The following SLC44A1 variants were observed in gnomAD, a reference collection of about 807,000 sequenced individuals.
The protein encoded by SLC44A1 is choline transporter-like protein 1.
Under a neutral mutation model 79.3 loss-of-function variants are expected in SLC44A1, and 26 were observed. The observed-to-expected ratio is 0.33, with a 90% CI of 0.24 to 0.46. The LOEUF is 0.46. Ranked by LOEUF, SLC44A1 falls within the 20% of genes least tolerant of loss-of-function variation. The pLI, the probability that SLC44A1 is intolerant of heterozygous loss-of-function variation, is 1.00. For synonymous variants in SLC44A1, 263 were observed against 286.2 expected (o/e 0.92, Z 0.82); for missense variants, 688 against 798.1 (o/e 0.86, Z 1.66).
chr9:105,435,697 A>G (rs1014490332), intron 15 of SLC44A1, among the ~76,000 whole-genome samples: 2 of 152,150 alleles, frequency 1.3e-5, no homozygotes, highest in Non-Finnish European at 2.9e-5. Context: ...AGGGGTCACA[A>G]TGGCTCGACC....
intron 15 of SLC44A1, among the ~76,000 whole-genome samples, chr9:105,406,532 G>A (rs1338344777): frequency 6.6e-6 from 1 of 152,116 alleles, no homozygotes; most frequent in Non-Finnish European, 1.5e-5. Context: ...CTTGAGGCCA[G>A]GAGTTCAAGA....
At chr9:105,257,291 T>TCA (rs1255893911) in intron 1 of SLC44A1, among the ~76,000 whole-genome samples, 2 of 151,878 alleles carry the variant, frequency 1.3e-5, no homozygotes, top group Non-Finnish European at 2.9e-5. Context: ...AGATGGGGTT[T>TCA]CACCATGTTG....
At chr9:105,412,757 A>G (rs532674251) in intron 15 of SLC44A1, among the ~76,000 whole-genome samples, 60 of 151,880 alleles carry the variant, frequency 4.0e-4, no homozygotes, top group African/African-American at 1.4e-3. Context: ...ACCTGCCACC[A>G]CGCCCGGCTA....
intron 1 of SLC44A1, among the ~76,000 whole-genome samples, chr9:105,245,797 T>C (rs1829428304): frequency 6.6e-6 from 1 of 152,200 alleles, no homozygotes; most frequent in Non-Finnish European, 1.5e-5. Context: ...CCTCCTTCTC[T>C]CGGATCCGAG....
At chr9:105,290,552 A>G (rs1039024741) in intron 1 of SLC44A1, among the ~76,000 whole-genome samples, 3 of 152,260 alleles carry the variant, frequency 2.0e-5, no homozygotes, top group Non-Finnish European at 4.4e-5. Context: ...GTTATTAGCT[A>G]TGTTGCAGAG....
chr9:105,430,960 T>A (rs1007376069), intron 15 of SLC44A1, among the ~76,000 whole-genome samples: 2 of 152,212 alleles, frequency 1.3e-5, no homozygotes, highest in Non-Finnish European at 2.9e-5. Flanking sequence ...ATTATAGACA[T>A]CCAGTGAGTG....
At chr9:105,335,458 G>T in intron 3 of SLC44A1, 105 bp from the exon 4 acceptor site, 1 of 754,606 alleles carries the variant, frequency 1.3e-6, no homozygotes, top group Non-Finnish European at 2.1e-6. Flanking sequence ...TTTTATCGTG[G>T]AGGAATGTGG....
Position 105,276,762 on chromosome 9 carries a change from T to C in SLC44A1, c.37-22458T>C, listed in dbSNP as rs181581355. On this transcript the variant is annotated intron_variant, in intron 1 of 15. Coordinates refer to ENST00000374720, the MANE Select transcript of SLC44A1 (RefSeq NM_080546.5). ...TCAGGAGGCAATCCTGAGAGCTCAG[T>C]AGCATCAAGAAAACCAGAGTGGTCT... Among the ~76,000 whole-genome samples the C allele has an allele frequency of 2.7e-3, 409 of 152,104 alleles. 3 individuals carry two copies. Among genetic ancestry groups the C allele is most frequent in the Admixed American group, 4.3e-3 (66 of 15,284 alleles).
chr9:105,295,187 CAG>C (rs1344664841), intron 1 of SLC44A1, among the ~76,000 whole-genome samples: 3 of 152,152 alleles, frequency 2.0e-5, no homozygotes, highest in African/African-American at 4.8e-5. Context: ...TAGTAATTAA[CAG>C]AATTGTTTTA....
chr9:105,276,039 C>G (rs2131240792), intron 1 of SLC44A1, among the ~76,000 whole-genome samples: 1 of 152,186 alleles, frequency 6.6e-6, no homozygotes, highest in African/African-American at 2.4e-5. Context: ...CTCCTGGCCT[C>G]AGGTGATCCG....
At chr9:105,301,062 A>G (rs900940356) in intron 2 of SLC44A1, among the ~76,000 whole-genome samples, 2 of 152,114 alleles carry the variant, frequency 1.3e-5, no homozygotes, top group African/African-American at 4.8e-5. Flanking sequence ...GAGCCACCGC[A>G]CCCTGCCATA....
chr9:105,248,854 A>G (rs533185209), intron 1 of SLC44A1, among the ~76,000 whole-genome samples: 1 of 152,240 alleles, frequency 6.6e-6, no homozygotes, highest in Non-Finnish European at 1.5e-5. Flanking sequence ...TTTCCCATTG[A>G]CAAACCAGTT....
intron 15 of SLC44A1, among the ~76,000 whole-genome samples, chr9:105,404,868 A>C (rs1829008674): frequency 1.3e-5 from 2 of 152,216 alleles, no homozygotes; most frequent in South Asian, 4.1e-4. Flanking sequence ...AAATGGGAAT[A>C]GTCATGTTTT....
intron 9 of SLC44A1, 106 bp downstream of exon 9, chr9:105,363,113 A>C: frequency 1.2e-6 from 1 of 862,838 alleles, no homozygotes; most frequent in Non-Finnish European, 1.8e-6. Context: ...ATGAAGGTCC[A>C]ATAGCCATCA....
chr9:105,353,930 G>A (rs973788028), intron 5 of SLC44A1, among the ~76,000 whole-genome samples: 3 of 150,072 alleles, frequency 2.0e-5, no homozygotes, highest in African/African-American at 7.3e-5. Context: ...AACTTGCAGA[G>A]ATGGCATCCA....
Position 105,394,298 on chromosome 9 carries a change from T to A in SLC44A1, c.*5242T>A. 1 of 985,360 alleles carries A rather than the reference T, an allele frequency of 1.0e-6. No individual in the cohort carries two copies. The highest frequency in any genetic ancestry group is 4.7e-5 in the South Asian group (1 of 21,288). The allele number at this position is 985,360 out of a possible 1,614,324, so 61.0% of individuals were successfully genotyped here. A position where few individuals can be genotyped will look rare whatever the true frequency, so the allele number is the denominator to read the frequency against. On this transcript the variant is annotated 3_prime_UTR_variant, in exon 16 of 16. Coordinates refer to ENST00000374720, the MANE Select transcript of SLC44A1 (RefSeq NM_080546.5). ...AATCATTTTTATAACTTAAAGACTT[T>A]ATGTAATTTAGTAGCAGGTTAGGGA...
intron 2 of SLC44A1, among the ~76,000 whole-genome samples, chr9:105,300,799 A>G (rs1830857771): frequency 1.3e-5 from 2 of 148,518 alleles, no homozygotes; most frequent in Admixed American, 1.3e-4. Context: ...TTTTTGAGAC[A>G]GAATTTTGCT....
intron 1 of SLC44A1, among the ~76,000 whole-genome samples, chr9:105,282,226 A>C (rs538351078): frequency 1.2e-3 from 162 of 137,038 alleles, no homozygotes; most frequent in Non-Finnish European, 1.4e-3. Flanking sequence ...ATTAGCATTC[A>C]TTTTTCTTGG....
chr9:105,419,233 C>A (rs892417564), intron 15 of SLC44A1, among the ~76,000 whole-genome samples: 1 of 152,164 alleles, frequency 6.6e-6, no homozygotes, highest in Non-Finnish European at 1.5e-5. Flanking sequence ...GGCTGCAAGA[C>A]AAAGCTGGTG....
Sources: allele counts gnomAD v4.1 joint callset (sites outside exome capture counted in the v4.1 genomes callset), GRCh38; gene constraint gnomAD v4.1.1; transcripts MANE v1.5; gene names NCBI Gene and HGNC (gene_info 2026-07-23, HGNC 2026-07-21).